Variants in SH3BGRL2 observed in about 807,000 individuals in gnomAD.
SH3BGRL2 encodes the protein SH3 domain-binding glutamic acid-rich-like protein 2.
A neutral mutation model predicts 14.8 loss-of-function variants in SH3BGRL2; 21 were observed. That is an observed-to-expected ratio of 1.42 (90% CI 1.01 to 2.05). The LOEUF (loss-of-function observed/expected upper bound fraction) is 2.05. SH3BGRL2 is among the 30% of genes most tolerant of loss of function. The probability of loss-of-function intolerance (pLI) is 0.00; values close to 1 mark genes in which losing one functional copy is unlikely to be tolerated. For missense variants in SH3BGRL2, 147 were observed against 130.8 expected (o/e 1.12, Z -0.61); for synonymous variants, 50 against 47.8 (o/e 1.05, Z -0.19).
At chr6:79,679,890 G>A (rs1205047814) in intron 2 of SH3BGRL2, among the ~76,000 whole-genome samples, 5 of 152,054 alleles carry the variant, frequency 3.3e-5, no homozygotes, top group African/African-American at 9.7e-5. Context: ...CTTGGAAGAC[G>A]TATCTATTCA....
Position 79,648,323 on chromosome 6 carries a change from CTT to C in SH3BGRL2, c.45+16818_45+16819del, listed in dbSNP as rs560375885. On this transcript the variant is annotated intron_variant, in intron 1 of 3. Coordinates refer to ENST00000369838, the MANE Select transcript of SH3BGRL2 (RefSeq NM_031469.4). ...ATATAATATATATATAAATATTTGACTTATATATATTATATATATAATATATA... is the reference window on the plus strand; with the variant it reads ...ATATAATATATATATAAATATTTGACATATATATTATATATATAATATATA... 2.7e-3 allele frequency among the ~76,000 whole-genome samples: 328 copies of C among 120,164 alleles called. 3 individuals are homozygous for C. Among genetic ancestry groups the C allele is most frequent in the African/African-American group, 9.6e-3 (310 of 32,390 alleles). The allele number at this position is 120,164 out of a possible 152,430, so 78.8% of individuals were successfully genotyped here. A position where few individuals can be genotyped will look rare whatever the true frequency, so the allele number is the denominator to read the frequency against.
chr6:79,571,372 A>G, the SH3BGRL2 span, among the ~76,000 whole-genome samples: 2 of 152,354 alleles, frequency 1.3e-5, no homozygotes, highest in East Asian at 3.9e-4. Context: ...ATTAGATTAT[A>G]AACACAGAAC....
intron 1 of SH3BGRL2, among the ~76,000 whole-genome samples, chr6:79,669,452 CTTTTT>C (rs66477199): frequency 8.1e-6 from 1 of 122,962 alleles, no homozygotes; most frequent in African/African-American, 3.0e-5. Context: ...AATTTATATT[CTTTTT>C]TTTTTTTTTT....
the SH3BGRL2 span, among the ~76,000 whole-genome samples, chr6:79,625,034 G>A: frequency 3.9e-5 from 6 of 152,062 alleles, no homozygotes; most frequent in African/African-American, 1.4e-4. Flanking sequence ...TTAGCCAGGT[G>A]TGGTGGCGCA....
chr6:79,589,992 C>T, the SH3BGRL2 span, among the ~76,000 whole-genome samples: 15 of 152,120 alleles, frequency 9.9e-5, no homozygotes, highest in African/African-American at 2.2e-4. Context: ...AGGCTGATCT[C>T]GAGCTTCTGG....
chr6:79,537,942 G>A, the SH3BGRL2 span, among the ~76,000 whole-genome samples: 1 of 147,972 alleles, frequency 6.8e-6, no homozygotes, highest in Non-Finnish European at 1.5e-5. Flanking sequence ...AACGAGCCGT[G>A]AGTTTGGCTT....
At chr6:79,538,018 G>GTTTTTTTTTTTTTTTTT in the SH3BGRL2 span, among the ~76,000 whole-genome samples, 13 of 44,164 alleles carry the variant, frequency 2.9e-4, 2 homozygotes, top group Non-Finnish European at 5.1e-4. Context: ...TTGCACACAA[G>GTTTTTTTTTTTTTTTTT]TTTTTTTTTT....
chr6:79,538,018 G>GT, the SH3BGRL2 span, among the ~76,000 whole-genome samples: 814 of 44,140 alleles, frequency 0.018, 213 homozygotes, highest in Non-Finnish European at 0.025. Context: ...TTGCACACAA[G>GT]TTTTTTTTTT....
intron 1 of SH3BGRL2, among the ~76,000 whole-genome samples, chr6:79,631,859 C>T (rs1768833049): frequency 6.6e-6 from 1 of 152,176 alleles, no homozygotes; most frequent in Non-Finnish European, 1.5e-5. Flanking sequence ...TAGTTCTTCC[C>T]GATTTGGGAC....
intron 1 of SH3BGRL2, among the ~76,000 whole-genome samples, chr6:79,647,759 A>G (rs1769172631): frequency 1.3e-5 from 2 of 152,174 alleles, no homozygotes; most frequent in South Asian, 4.1e-4. Context: ...AAAAAATTTT[A>G]CTTATTTAAA....
At chr6:79,653,184 C>A (rs1300696847) in intron 1 of SH3BGRL2, among the ~76,000 whole-genome samples, 1 of 152,094 alleles carries the variant, frequency 6.6e-6, no homozygotes, top group African/African-American at 2.4e-5. Context: ...GTCTTCAGGA[C>A]AAGATCAAAA....
chr6:79,664,456 A>G (rs1274219128), intron 1 of SH3BGRL2, among the ~76,000 whole-genome samples: 9 of 152,210 alleles, frequency 5.9e-5, no homozygotes, highest in Admixed American at 2.0e-4. Flanking sequence ...CTTTGGTAGA[A>G]TAAGTATCTT....
intron 1 of SH3BGRL2, among the ~76,000 whole-genome samples, chr6:79,653,833 G>A (rs1293232091): frequency 6.6e-6 from 1 of 152,220 alleles, no homozygotes; most frequent in Non-Finnish European, 1.5e-5. Context: ...TGGCCAGGGT[G>A]ACTGAGCCAT....
chr6:79,555,832 T>C, the SH3BGRL2 span, among the ~76,000 whole-genome samples: 1 of 152,086 alleles, frequency 6.6e-6, no homozygotes, highest in Non-Finnish European at 1.5e-5. Flanking sequence ...AAAATGAAAA[T>C]TAATAATTAT....
At chr6:79,647,231 C>G (rs1769161961) in intron 1 of SH3BGRL2, among the ~76,000 whole-genome samples, 1 of 151,958 alleles carries the variant, frequency 6.6e-6, no homozygotes, top group African/African-American at 2.4e-5. Flanking sequence ...CATTGTAGCA[C>G]TTTTAGAGAA....
chr6:79,598,215 A>G, the SH3BGRL2 span, among the ~76,000 whole-genome samples: 3 of 152,228 alleles, frequency 2.0e-5, no homozygotes, highest in African/African-American at 7.2e-5. Flanking sequence ...TAGAGTCACG[A>G]CATGACTCAG....
At position 79,637,692 on chromosome 6, in the gene SH3BGRL2, A is replaced by G. The variant is rs556794607; in HGVS notation, c.45+6186A>G. On this transcript the variant is annotated intron_variant, in intron 1 of 3. Coordinates refer to ENST00000369838, the MANE Select transcript of SH3BGRL2 (RefSeq NM_031469.4). ...GAGTGACAAGAGTGAAACTCCTTCT[A>G]AAAAAAAAAAAAGAAAATGTATTTC... is the stretch of plus-strand genomic sequence containing the variant. Among the ~76,000 whole-genome samples, 202 of 142,040 alleles carry G rather than the reference A, an allele frequency of 1.4e-3. 1 individual carries two copies. The highest frequency in any genetic ancestry group is 5.2e-3 in the African/African-American group (198 of 38,414). The allele number at this position is 142,040 out of a possible 152,430, so 93.2% of individuals were successfully genotyped here.
chr6:79,656,206 G>A (rs1769415227), intron 1 of SH3BGRL2, among the ~76,000 whole-genome samples: 2 of 152,242 alleles, frequency 1.3e-5, no homozygotes, highest in Admixed American at 6.5e-5. Context: ...CAGTGGCAGT[G>A]AAAATGGAGA....
At chr6:79,635,235 G>C (rs1486429800) in intron 1 of SH3BGRL2, among the ~76,000 whole-genome samples, 2 of 152,186 alleles carry the variant, frequency 1.3e-5, no homozygotes, top group Non-Finnish European at 2.9e-5. Flanking sequence ...AAGTTCCTGG[G>C]CTCTGTTAGA....
Sources: gnomAD v4.1 joint callset for allele counts (sites outside exome capture counted in the v4.1 genomes callset) on GRCh38, gnomAD v4.1.1 for gene constraint, MANE v1.5 for transcripts, NCBI Gene and HGNC (gene_info 2026-07-23, HGNC 2026-07-21) for gene names.